DPP10: variants seen among roughly 807,000 people sequenced by gnomAD.
DPP10 encodes the protein dipeptidyl peptidase like 10.
DPP10 carries 33 observed loss-of-function variants against 120.9 expected under a neutral mutation model. The observed-to-expected ratio is 0.27, with a 90% CI of 0.21 to 0.37. The LOEUF (loss-of-function observed/expected upper bound fraction) is 0.37, where lower values mean the gene tolerates loss of function less well. Ranked by LOEUF, DPP10 falls within the 10% of genes least tolerant of loss-of-function variation. The pLI is 1.00. For missense variants in DPP10, 816 were observed against 942.8 expected, an observed-to-expected ratio of 0.87 and a Z score of 1.76; for synonymous variants, 337 against 326.1, an observed-to-expected ratio of 1.03 and a Z score of -0.36.
At chr2:115,425,046 A>G (rs1345815238) in intron 3 of DPP10, among the ~76,000 whole-genome samples, 2 of 152,182 alleles carry the variant, frequency 1.3e-5, no homozygotes, top group Non-Finnish European at 2.9e-5. Flanking sequence ...TGAAATGCAG[A>G]TAGCTTTCTG....
intron 17 of DPP10, among the ~76,000 whole-genome samples, chr2:115,788,602 T>C (rs1178152440): frequency 6.6e-5 from 10 of 152,184 alleles, no homozygotes; most frequent in Non-Finnish European, 1.3e-4. Context: ...TAGTGGAACA[T>C]TATACGTAAT....
At chr2:115,603,328 C>A in intron 5 of DPP10, among the ~76,000 whole-genome samples, 1 of 121,286 alleles carries the variant, frequency 8.2e-6, no homozygotes, top group African/African-American at 3.1e-5. Context: ...GCACACCCAC[C>A]CCCCGCCCCG....
At chr2:115,355,667 T>C (rs1655166050) in intron 3 of DPP10, among the ~76,000 whole-genome samples, 1 of 152,200 alleles carries the variant, frequency 6.6e-6, no homozygotes, top group Non-Finnish European at 1.5e-5. Flanking sequence ...TAGGTTTTCG[T>C]CTAGGGTTTT....
chr2:115,111,579 A>G (rs1009545903), intron 1 of DPP10, among the ~76,000 whole-genome samples: 1 of 152,094 alleles, frequency 6.6e-6, no homozygotes, highest in Non-Finnish European at 1.5e-5. Flanking sequence ...AGGCGGTGTG[A>G]TCTTGGGCAA....
At chr2:115,575,305 TTAAA>T (rs1295415913) in intron 5 of DPP10, among the ~76,000 whole-genome samples, 1 of 152,208 alleles carries the variant, frequency 6.6e-6, no homozygotes, top group Non-Finnish European at 1.5e-5. Flanking sequence ...AAATATATCT[TTAAA>T]TATCATCATA....
chr2:114,586,225 TG>T (rs1160495337), intron 1 of DPP10, among the ~76,000 whole-genome samples: 1 of 152,144 alleles, frequency 6.6e-6, no homozygotes, highest in East Asian at 1.9e-4. Context: ...CATTCCAGCC[TG>T]GGTAACAGAG....
At chr2:115,162,428 C>T (rs943034240) in intron 1 of DPP10, among the ~76,000 whole-genome samples, 2 of 152,194 alleles carry the variant, frequency 1.3e-5, no homozygotes, top group African/African-American at 2.4e-5. Flanking sequence ...GTTCGAGCCC[C>T]GTCCTCCTAT....
chr2:115,643,625 A>G (rs1315296217), intron 5 of DPP10, among the ~76,000 whole-genome samples: 1 of 152,232 alleles, frequency 6.6e-6, no homozygotes, highest in Non-Finnish European at 1.5e-5. Flanking sequence ...CCCTTTTTAA[A>G]TTACAAGAAT....
At chr2:115,654,996 A>C (rs1393769132) in intron 5 of DPP10, among the ~76,000 whole-genome samples, 1 of 151,590 alleles carries the variant, frequency 6.6e-6, no homozygotes, top group Admixed American at 6.6e-5. Context: ...CTTATTTTCT[A>C]TTTTATCTTG....
chr2:114,497,310 CATGTACATGTATACGTGTAT>C (rs1558814139), intron 1 of DPP10, among the ~76,000 whole-genome samples: 2 of 48,354 alleles, frequency 4.1e-5, no homozygotes, highest in Non-Finnish European at 1.5e-4. Flanking sequence ...TACGTGTATA[CATGTACATGTATACGTGTAT>C]ACATGTACAT....
chr2:115,228,503 C>A (rs2057559540), intron 1 of DPP10, among the ~76,000 whole-genome samples: 1 of 151,980 alleles, frequency 6.6e-6, no homozygotes, highest in Non-Finnish European at 1.5e-5. Flanking sequence ...CGCTTCAATC[C>A]CCCCTCCAGC....
rs186102123 is a variant in DPP10, at chr2:114,488,611, T to C, written c.60+45773T>C. On this transcript the variant is annotated intron_variant, in intron 1 of 25. Coordinates refer to ENST00000410059, the MANE Select transcript of DPP10 (RefSeq NM_020868.6). The stretch of plus-strand genomic sequence containing the variant: ...ATATGCATTGTGAATCTCTGAGCGG[T>C]GGCAGAGCCATAGTGTATAGTGTTT... Among the ~76,000 whole-genome samples the C allele has an allele frequency of 1.7e-3, 256 of 152,348 alleles. 1 individual carries two copies. Among genetic ancestry groups the C allele is most frequent in the Non-Finnish European group, 2.9e-3 (199 of 68,040 alleles).
intron 1 of DPP10, among the ~76,000 whole-genome samples, chr2:114,899,917 A>G (rs1262992721): frequency 6.6e-6 from 1 of 152,214 alleles, no homozygotes; most frequent in African/African-American, 2.4e-5. Flanking sequence ...CCAAGATCGC[A>G]CCACTGCACT....
chr2:114,936,718 G>GTATTA (rs1696514105), intron 1 of DPP10, among the ~76,000 whole-genome samples: 1 of 151,746 alleles, frequency 6.6e-6, no homozygotes, highest in African/African-American at 2.4e-5. Flanking sequence ...ACAGTGTAGA[G>GTATTA]GTATTAACTT....
chr2:115,048,382 A>T (rs770840494), intron 1 of DPP10, among the ~76,000 whole-genome samples: 13 of 152,184 alleles, frequency 8.5e-5, no homozygotes, highest in Non-Finnish European at 1.6e-4. Context: ...AGGTCAAGCC[A>T]TTGTTAATCT....
chr2:115,505,853 G>C (rs982807581), intron 4 of DPP10, among the ~76,000 whole-genome samples: 1 of 152,060 alleles, frequency 6.6e-6, no homozygotes, highest in Admixed American at 6.6e-5. Flanking sequence ...ACTACAAAAA[G>C]ATGGGTATGG....
At chr2:115,033,893 C>CTTTTTTTTTTTTTTTTTTTTTTT (rs965717193) in intron 1 of DPP10, among the ~76,000 whole-genome samples, 17 of 89,862 alleles carry the variant, frequency 1.9e-4, no homozygotes, top group Non-Finnish European at 3.1e-4. Context: ...TTTTCTTTTT[C>CTTTTTTTTTTTTTTTTTTTTTTT]TTTTTTTTTT....
At chr2:115,450,338 T>G (rs547696306) in intron 3 of DPP10, among the ~76,000 whole-genome samples, 1 of 152,100 alleles carries the variant, frequency 6.6e-6, no homozygotes, top group Admixed American at 6.6e-5. Flanking sequence ...ATTGTGATGG[T>G]TTTATATCAT....
chr2:115,809,705 G>A (rs939565387), intron 19 of DPP10, among the ~76,000 whole-genome samples: 65 of 152,286 alleles, frequency 4.3e-4, no homozygotes, highest in African/African-American at 1.5e-3. Context: ...CTATAAAGCA[G>A]TTCTCTCTAT....
Sources: gnomAD v4.1 joint callset for allele counts (sites outside exome capture counted in the v4.1 genomes callset) on GRCh38, gnomAD v4.1.1 for gene constraint, MANE v1.5 for transcripts, NCBI Gene and HGNC (gene_info 2026-07-23, HGNC 2026-07-21) for gene names.